Variants in ESRRG observed in about 807,000 individuals in gnomAD.
ESRRG encodes estrogen related receptor gamma.
In ESRRG, 13 loss-of-function variants were observed where a neutral mutation model predicts 44.0. That is an observed-to-expected ratio of 0.30 (90% CI 0.19 to 0.47). The LOEUF is 0.47. Ranked by LOEUF, ESRRG falls within the 20% of genes least tolerant of loss-of-function variation. The probability of loss-of-function intolerance (pLI) is 1.00; values close to 1 mark genes in which losing one functional copy is unlikely to be tolerated. For missense variants in ESRRG, 395 were observed against 580.6 expected (o/e 0.68, Z 3.29); for synonymous variants, 215 against 214.6 (o/e 1.00, Z -0.02).
intron 2 of ESRRG, among the ~76,000 whole-genome samples, chr1:216,837,709 T>C (rs2095589830): frequency 6.6e-6 from 1 of 152,170 alleles, no homozygotes; most frequent in Non-Finnish European, 1.5e-5. Flanking sequence ...CCACGAACCT[T>C]GACCACAGCT....
chr1:217,091,028 T>A (rs574068211), upstream of ESRRG, among the ~76,000 whole-genome samples: 1 of 152,296 alleles, frequency 6.6e-6, no homozygotes, highest in African/African-American at 2.4e-5. Flanking sequence ...TCTGGTACCT[T>A]TTATGTAGCT....
chr1:217,006,187 A>G (rs902843690), intron 1 of ESRRG, among the ~76,000 whole-genome samples: 2 of 152,166 alleles, frequency 1.3e-5, no homozygotes, highest in Non-Finnish European at 2.9e-5. Context: ...AATGTTCAAC[A>G]TAAGTTATGC....
chr1:216,807,250 A>G (rs2094824106), intron 2 of ESRRG, among the ~76,000 whole-genome samples: 1 of 152,122 alleles, frequency 6.6e-6, no homozygotes, highest in African/African-American at 2.4e-5. Context: ...GACGGTTGGG[A>G]GAGGTTCTCT....
chr1:216,930,461 A>G (rs1209055978), intron 2 of ESRRG, among the ~76,000 whole-genome samples: 2 of 152,024 alleles, frequency 1.3e-5, no homozygotes, highest in Non-Finnish European at 2.9e-5. Flanking sequence ...TTTACATTCT[A>G]TTTATTCTGT....
chr1:216,887,253 T>C (rs1370683767), intron 2 of ESRRG, among the ~76,000 whole-genome samples: 2 of 152,202 alleles, frequency 1.3e-5, no homozygotes, highest in Admixed American at 6.5e-5. Flanking sequence ...GTTTAATATA[T>C]ACAGTATTTC....
chr1:216,934,456 G>C (rs534963725), intron 2 of ESRRG, among the ~76,000 whole-genome samples: 36 of 152,040 alleles, frequency 2.4e-4, no homozygotes, highest in African/African-American at 8.4e-4. Context: ...AAATACCCGA[G>C]ACTGGGTAAT....
chr1:216,680,991 G>A (rs1025083228), intron 1 of ESRRG, among the ~76,000 whole-genome samples: 2 of 151,812 alleles, frequency 1.3e-5, no homozygotes, highest in Non-Finnish European at 2.9e-5. Context: ...AAGAGAATAA[G>A]CCCAATTCCA....
intron 2 of ESRRG, among the ~76,000 whole-genome samples, chr1:216,925,670 G>T (rs760983590): frequency 6.6e-6 from 1 of 150,804 alleles, no homozygotes; most frequent in Non-Finnish European, 1.5e-5. Context: ...GGTCTGCTCG[G>T]CTGGGTGTGG....
intron 1 of ESRRG, among the ~76,000 whole-genome samples, chr1:217,039,384 G>A (rs1579924661): frequency 6.6e-6 from 1 of 152,182 alleles, no homozygotes; most frequent in African/African-American, 2.4e-5. Flanking sequence ...ACAAAACAAA[G>A]AGGTTTATTA....
intron 1 of ESRRG, among the ~76,000 whole-genome samples, chr1:217,122,662 C>A (rs2092835045): frequency 7.6e-6 from 1 of 132,222 alleles, no homozygotes; most frequent in Admixed American, 7.8e-5. Flanking sequence ...AAGACACACA[C>A]ACTTTTTTTT....
intron 5 of ESRRG, among the ~76,000 whole-genome samples, chr1:216,548,583 A>G (rs745881729): frequency 3.3e-5 from 5 of 152,022 alleles, no homozygotes; most frequent in African/African-American, 9.7e-5. Flanking sequence ...CCATACATTT[A>G]TCTTTACTGG....
chr1:216,547,188 T>C (rs1226993211), intron 5 of ESRRG, among the ~76,000 whole-genome samples: 1 of 152,018 alleles, frequency 6.6e-6, no homozygotes, highest in Admixed American at 6.6e-5. Flanking sequence ...ATATGTAAAA[T>C]AATCAGTATC....
intron 2 of ESRRG, among the ~76,000 whole-genome samples, chr1:216,773,971 C>A (rs1049807947): frequency 6.6e-6 from 1 of 151,870 alleles, no homozygotes; most frequent in South Asian, 2.1e-4. Flanking sequence ...TTACTAATAC[C>A]TTAGAGTATG....
rs1361642153 is a variant in ESRRG, at chr1:216,906,568, C to T, written c.-14+33014G>A. On this transcript the variant is annotated intron_variant, in intron 2 of 7. Coordinates refer to the ESRRG transcript ENST00000359162. ...TCCCTCCCTACCAGCCAAATTGCCTCATAGACTCCAAGACACATTAACATC... is the reference window on the plus strand; with the variant it reads ...TCCCTCCCTACCAGCCAAATTGCCTTATAGACTCCAAGACACATTAACATC... Among the ~76,000 whole-genome samples, 4 of 152,180 alleles carry T rather than the reference C, an allele frequency of 2.6e-5. No homozygotes were observed. The South Asian group carries it at 6.2e-4, about 24-fold the overall frequency.
chr1:216,775,410 T>C (rs1024773598), intron 2 of ESRRG, among the ~76,000 whole-genome samples: 2 of 151,982 alleles, frequency 1.3e-5, no homozygotes, highest in Non-Finnish European at 2.9e-5. Context: ...GACTGTTCAA[T>C]AAGCACCTCA....
At chr1:217,121,119 TACACACACACAC>T (rs71163790) in intron 1 of ESRRG, among the ~76,000 whole-genome samples, 18 of 148,338 alleles carry the variant, frequency 1.2e-4, no homozygotes, top group Admixed American at 8.1e-4. Flanking sequence ...TCTTGAAGAA[TACACACACACAC>T]ACACACACAC....
At chr1:217,046,163 C>CAA (rs907962584) in intron 1 of ESRRG, among the ~76,000 whole-genome samples, 3 of 134,594 alleles carry the variant, frequency 2.2e-5, no homozygotes, top group African/African-American at 5.4e-5. Flanking sequence ...ACATTCCTTT[C>CAA]AAAAAAAAAA....
intron 2 of ESRRG, among the ~76,000 whole-genome samples, chr1:216,757,521 T>C (rs1004608391): frequency 4.6e-5 from 7 of 152,104 alleles, no homozygotes; most frequent in African/African-American, 1.7e-4. Context: ...AGTTTTTAGC[T>C]AGACCAAAAT....
intron 2 of ESRRG, among the ~76,000 whole-genome samples, chr1:216,659,598 C>T (rs1265591485): frequency 6.6e-6 from 1 of 152,152 alleles, no homozygotes. Flanking sequence ...CAAGCTCACC[C>T]CCTTGTCTGA....
Sources: gnomAD v4.1 joint callset for allele counts (sites outside exome capture counted in the v4.1 genomes callset) on GRCh38, gnomAD v4.1.1 for gene constraint, MANE v1.5 for transcripts, NCBI Gene and HGNC (gene_info 2026-07-23, HGNC 2026-07-21) for gene names.